DLC1: variants seen among roughly 807,000 people sequenced by gnomAD.
The protein encoded by DLC1 is DLC1 Rho GTPase activating protein, also known as rho GTPase-activating protein 7.
DLC1 carries 54 observed loss-of-function variants against 140.3 expected under a neutral mutation model. The ratio of observed to expected loss-of-function variants is 0.38; its 90% confidence interval spans 0.31 to 0.48. The LOEUF is 0.48. Among genes scored for constraint, DLC1 ranks in the 20% least tolerant of loss-of-function variants. The probability of loss-of-function intolerance (pLI) is 0.96; values close to 1 mark genes in which losing one functional copy is unlikely to be tolerated. For synonymous variants in DLC1, 986 were observed against 728.1 expected (o/e 1.35, Z -5.70); for missense variants, 2,536 against 1,907.0 (o/e 1.33, Z -6.14).
chr8:13,510,318 T>C (rs547073558), intron 1 of DLC1, among the ~76,000 whole-genome samples: 2 of 152,128 alleles, frequency 1.3e-5, no homozygotes, highest in South Asian at 4.2e-4. Flanking sequence ...GGATTACAGG[T>C]GCCTGCTACC....
chr8:13,458,210 C>G (rs1254715082), intron 2 of DLC1, among the ~76,000 whole-genome samples: 2 of 152,188 alleles, frequency 1.3e-5, no homozygotes, highest in South Asian at 2.1e-4. Flanking sequence ...TTAATTCTAG[C>G]CAAAATTTGA....
At chr8:13,092,961 G>T in intron 12 of DLC1, 136 bp from the exon 13 acceptor site, 1 of 932,864 alleles carries the variant, frequency 1.1e-6, no homozygotes, top group Non-Finnish European at 1.6e-6. Context: ...TGCACTAGAG[G>T]TTAATACGGT....
intron 2 of DLC1, among the ~76,000 whole-genome samples, chr8:13,488,232 G>C (rs1338639684): frequency 6.6e-6 from 1 of 152,078 alleles, no homozygotes; most frequent in Non-Finnish European, 1.5e-5. Flanking sequence ...GAGAATTAGT[G>C]GGAATGAATA....
At chr8:13,301,601 A>G (rs1199095042) in intron 5 of DLC1, among the ~76,000 whole-genome samples, 1 of 152,238 alleles carries the variant, frequency 6.6e-6, no homozygotes, top group Non-Finnish European at 1.5e-5. Flanking sequence ...CCATACAGAT[A>G]GGAAGCAGAT....
chr8:13,529,151 C>T (rs1803015751), intron 1 of DLC1, among the ~76,000 whole-genome samples: 1 of 151,922 alleles, frequency 6.6e-6, no homozygotes, highest in South Asian at 2.1e-4. Flanking sequence ...ATAAAATGGG[C>T]CAAATAGTTT....
intron 5 of DLC1, among the ~76,000 whole-genome samples, chr8:13,248,922 A>C (rs1829880453): frequency 6.6e-6 from 1 of 152,150 alleles, no homozygotes; most frequent in Admixed American, 6.6e-5. Flanking sequence ...TTGCAGATAG[A>C]AATCATTACC....
chr8:13,482,200 T>G (rs2117122247), intron 2 of DLC1, among the ~76,000 whole-genome samples: 1 of 152,348 alleles, frequency 6.6e-6, no homozygotes, highest in Non-Finnish European at 1.5e-5. Context: ...ATACCCCATC[T>G]TTCACAGGTG....
At chr8:13,464,069 C>T (rs544586125) in intron 2 of DLC1, among the ~76,000 whole-genome samples, 3 of 152,266 alleles carry the variant, frequency 2.0e-5, no homozygotes, top group East Asian at 3.9e-4. Context: ...TTGCAGGGCA[C>T]ATTGATGTGG....
chr8:13,439,540 G>T (rs570294375), intron 2 of DLC1, among the ~76,000 whole-genome samples: 5 of 151,328 alleles, frequency 3.3e-5, no homozygotes, highest in African/African-American at 4.9e-5. Context: ...AATTTCAAAT[G>T]CAATTAGTAT....
chr8:13,186,549 C>G (rs532715477), intron 5 of DLC1, among the ~76,000 whole-genome samples: 1 of 152,260 alleles, frequency 6.6e-6, no homozygotes, highest in Admixed American at 6.5e-5. Context: ...AGCCATTCGT[C>G]TAATCTTTTT....
At chr8:13,380,036 T>G (rs1044361235) in intron 4 of DLC1, among the ~76,000 whole-genome samples, 1 of 152,196 alleles carries the variant, frequency 6.6e-6, no homozygotes, top group Non-Finnish European at 1.5e-5. Flanking sequence ...AACTGAACTT[T>G]ACAAAACCTT....
At position 13,083,681 on chromosome 8, in the gene DLC1, G is replaced by A. The variant is rs950368337; in HGVS notation, c.*2130C>T. On this transcript the variant is annotated 3_prime_UTR_variant, in exon 18 of 18. Transcript: ENST00000276297. ...ACGTTGTCGTCATCCTCTCAGCGTC[G>A]TTTCCTAACTGGACCTTTGTTGGAG... is the stretch of plus-strand genomic sequence containing the variant. The A allele has an allele frequency of 1.3e-4, 20 of 152,610 alleles. No homozygotes were observed. Among genetic ancestry groups the A allele is most frequent in the Admixed American group, 1.1e-3 (17 of 15,276 alleles). The allele number at this position is 152,610 out of a possible 1,614,324, so 9.5% of individuals were successfully genotyped here. A position where few individuals can be genotyped will look rare whatever the true frequency, so the allele number is the denominator to read the frequency against.
intron 2 of DLC1, among the ~76,000 whole-genome samples, chr8:13,472,910 A>G (rs1800275840): frequency 6.6e-6 from 1 of 152,212 alleles, no homozygotes; most frequent in Non-Finnish European, 1.5e-5. Context: ...CACTACAGAT[A>G]ATCTATCAAT....
intron 1 of DLC1, among the ~76,000 whole-genome samples, chr8:13,506,567 A>ATGTGTGTGTG (rs1487289216): frequency 2.7e-5 from 3 of 111,802 alleles, no homozygotes; most frequent in African/African-American, 1.1e-4. Flanking sequence ...ACACACACAC[A>ATGTGTGTGTG]TGTGTGTGTG....
rs143957096 is a variant in DLC1 at position 13,539,204 on chromosome 8, T to C, written c.-125-39008A>G. On this transcript the variant is annotated intron_variant, in intron 1 of 1. Coordinates refer to the DLC1 transcript ENST00000631382. ...GTATGTGTGTATGTATGTATGTATG[T>C]ATGTATTTATTTTGACACAGAGTCT... 3.9e-3 allele frequency among the ~76,000 whole-genome samples: 589 copies of C among 152,220 alleles called. 4 individuals are homozygous for C. Among genetic ancestry groups the C allele is most frequent in the African/African-American group, 0.014 (566 of 41,542 alleles).
intron 5 of DLC1, among the ~76,000 whole-genome samples, chr8:13,228,564 T>C (rs780107510): frequency 1.3e-5 from 2 of 151,920 alleles, no homozygotes; most frequent in African/African-American, 4.8e-5. Context: ...AGCAAGACCC[T>C]GTCTCTACAA....
intron 5 of DLC1, among the ~76,000 whole-genome samples, chr8:13,299,478 C>CTTT (rs36119138): frequency 7.0e-5 from 8 of 114,586 alleles, no homozygotes; most frequent in South Asian, 3.2e-4. Flanking sequence ...AGCTCCTCAT[C>CTTT]TTTTTTTTTT....
chr8:13,261,218 T>A lies in DLC1; in HGVS notation c.1348+44051A>T, dbSNP rs924937548. Among the ~76,000 whole-genome samples, 7 of 152,146 alleles carry A rather than the reference T, an allele frequency of 4.6e-5. 1 individual carries two copies. The highest frequency in any genetic ancestry group is 2.9e-5 in the Non-Finnish European group (2 of 68,018). On this transcript the variant is annotated intron_variant, in intron 5 of 17. Transcript: ENST00000276297. The stretch of plus-strand genomic sequence containing the variant: ...TTTAATAGAGTGGTCCTGACTGGCC[T>A]CTCAGTAGAGGTAACATTTCAGCAG...
At chr8:13,402,047 G>A (rs912325663) in intron 2 of DLC1, among the ~76,000 whole-genome samples, 4 of 152,140 alleles carry the variant, frequency 2.6e-5, no homozygotes, top group African/African-American at 9.7e-5. Context: ...CTCTTTTGCA[G>A]TATAGTAAAA....
Sources: gnomAD v4.1 joint callset for allele counts (sites outside exome capture counted in the v4.1 genomes callset) on GRCh38, gnomAD v4.1.1 for gene constraint, MANE v1.5 for transcripts, NCBI Gene and HGNC (gene_info 2026-07-23, HGNC 2026-07-21) for gene names.